C7orf78: variants seen among roughly 807,000 people sequenced by gnomAD.
The protein encoded by C7orf78 is chromosome 7 open reading frame 78.
the C7orf78 span, among the ~76,000 whole-genome samples, chr7:12,490,299 G>C: frequency 6.6e-6 from 1 of 152,030 alleles, no homozygotes; most frequent in Admixed American, 6.6e-5. Context: ...TGATAATTAT[G>C]CCCTCTGCTG....
At chr7:12,521,383 T>C in the C7orf78 span, among the ~76,000 whole-genome samples, 14 of 152,162 alleles carry the variant, frequency 9.2e-5, no homozygotes, top group South Asian at 2.9e-3. Context: ...TTTGTGTATC[T>C]ACTGTCATTT....
the C7orf78 span, among the ~76,000 whole-genome samples, chr7:12,536,637 A>G: frequency 6.6e-6 from 1 of 152,080 alleles, no homozygotes; most frequent in Non-Finnish European, 1.5e-5. Flanking sequence ...TTTCTATCAC[A>G]TTGTCAGGCT....
the C7orf78 span, among the ~76,000 whole-genome samples, chr7:12,525,042 G>C: frequency 6.6e-6 from 1 of 152,006 alleles, no homozygotes; most frequent in Non-Finnish European, 1.5e-5. Context: ...AACGAACTTG[G>C]TCTCATGTTG....
the C7orf78 span, among the ~76,000 whole-genome samples, chr7:12,524,529 T>C: frequency 6.6e-6 from 1 of 152,134 alleles, no homozygotes; most frequent in Admixed American, 6.6e-5. Flanking sequence ...CATTTAAATA[T>C]TAAATGTTAC....
chr7:12,533,515 T>TC, the C7orf78 span, among the ~76,000 whole-genome samples: 47 of 147,718 alleles, frequency 3.2e-4, no homozygotes, highest in South Asian at 1.1e-3. Flanking sequence ...AAGGTTTCTT[T>TC]TTTTTTTTTT....
the C7orf78 span, among the ~76,000 whole-genome samples, chr7:12,531,560 C>T: frequency 6.6e-6 from 1 of 152,130 alleles, no homozygotes; most frequent in African/African-American, 2.4e-5. Flanking sequence ...ACTGCTGGCA[C>T]AGTCCCTCAT....
At chr7:12,515,390 C>T in the C7orf78 span, among the ~76,000 whole-genome samples, 1 of 152,196 alleles carries the variant, frequency 6.6e-6, no homozygotes, top group African/African-American at 2.4e-5. Context: ...TCTGAGGCCT[C>T]CCCAGCCATG....
chr7:12,489,674 T>C, the C7orf78 span, among the ~76,000 whole-genome samples: 2 of 152,112 alleles, frequency 1.3e-5, no homozygotes, highest in Non-Finnish European at 2.9e-5. Context: ...AGACAAATAC[T>C]ATTTGCTGGG....
At chr7:12,534,197 C>T in the C7orf78 span, among the ~76,000 whole-genome samples, 1 of 152,118 alleles carries the variant, frequency 6.6e-6, no homozygotes, top group Non-Finnish European at 1.5e-5. Context: ...TTTGTACTAG[C>T]CCTGTCATTT....
chr7:12,527,387 G>C, the C7orf78 span, among the ~76,000 whole-genome samples: 1 of 120,442 alleles, frequency 8.3e-6, no homozygotes, highest in East Asian at 2.7e-4. Context: ...ATGCCATCTA[G>C]CTGTGTAATT....
the C7orf78 span, among the ~76,000 whole-genome samples, chr7:12,537,930 A>T: frequency 6.6e-6 from 1 of 152,138 alleles, no homozygotes; most frequent in African/African-American, 2.4e-5. Flanking sequence ...ACATATCTGT[A>T]TATACTGCAT....
chr7:12,498,764 C>A, the C7orf78 span, among the ~76,000 whole-genome samples: 1 of 148,944 alleles, frequency 6.7e-6, no homozygotes, highest in African/African-American at 2.5e-5. Context: ...AGAAGAGCAA[C>A]TCCAAGACAC....
chr7:12,511,912 T>C, the C7orf78 span, among the ~76,000 whole-genome samples: 94,214 of 140,098 alleles, frequency 0.67, 32,715 homozygotes, highest in African/African-American at 0.82. Context: ...CCACCACACC[T>C]GGCTAATTTT....
At chr7:12,495,619 T>C in the C7orf78 span, among the ~76,000 whole-genome samples, 1 of 152,214 alleles carries the variant, frequency 6.6e-6, no homozygotes, top group Non-Finnish European at 1.5e-5. Flanking sequence ...TAGTTGATAT[T>C]ACTTATTTTT....
chr7:12,493,965 G>C, the C7orf78 span, among the ~76,000 whole-genome samples: 3 of 152,312 alleles, frequency 2.0e-5, no homozygotes, highest in South Asian at 2.1e-4. Context: ...ATTAGTACTT[G>C]AGAAAAAGAG....
At chr7:12,509,959 G>C in the C7orf78 span, among the ~76,000 whole-genome samples, 1 of 151,078 alleles carries the variant, frequency 6.6e-6, no homozygotes, top group Admixed American at 6.6e-5. Context: ...ACTTGAACCC[G>C]GGAGGCAGAG....
At chr7:12,536,110 C>T in the C7orf78 span, among the ~76,000 whole-genome samples, 8 of 152,202 alleles carry the variant, frequency 5.3e-5, no homozygotes, top group Non-Finnish European at 1.2e-4. Flanking sequence ...CCAGTGAGGA[C>T]TCTGTGTGGG....
the C7orf78 span, among the ~76,000 whole-genome samples, chr7:12,535,069 G>A: frequency 5.6e-4 from 85 of 152,138 alleles, 1 homozygote; most frequent in African/African-American, 2.0e-3. Context: ...ATGAAAATGT[G>A]TTCATCTTCA....
chr7:12,515,721 C>G, the C7orf78 span, among the ~76,000 whole-genome samples: 1 of 152,094 alleles, frequency 6.6e-6, no homozygotes, highest in Non-Finnish European at 1.5e-5. Flanking sequence ...AGATGAGGAA[C>G]TTGTTGGGAA....
Sources: gnomAD v4.1 joint callset for allele counts (sites outside exome capture counted in the v4.1 genomes callset) on GRCh38, gnomAD v4.1.1 for gene constraint, MANE v1.5 for transcripts, NCBI Gene and HGNC (gene_info 2026-07-23, HGNC 2026-07-21) for gene names.